Variants in FAT3 observed in about 807,000 individuals in gnomAD.
The protein encoded by FAT3 is FAT atypical cadherin 3, also known as protocadherin Fat 3.
A neutral mutation model predicts 310.2 loss-of-function variants in FAT3; 95 were observed. The ratio of observed to expected loss-of-function variants is 0.31; its 90% CI spans 0.26 to 0.36. The LOEUF (loss-of-function observed/expected upper bound fraction) is 0.36. FAT3 is among the 10% of genes least tolerant of loss of function. The pLI, the probability that FAT3 is intolerant of heterozygous loss-of-function variation, is 1.00. For missense variants in FAT3, 5,408 were observed against 5,715.6 expected (o/e 0.95, Z 1.74); for synonymous variants, 2,314 against 2,192.9 (o/e 1.06, Z -1.54).
At chr11:92,340,882 A>AG (rs1391167759) in intron 1 of FAT3, among the ~76,000 whole-genome samples, 1 of 152,018 alleles carries the variant, frequency 6.6e-6, no homozygotes, top group Non-Finnish European at 1.5e-5. Flanking sequence ...TTGCCTTCTT[A>AG]GCTAAGACGC....
chr11:92,531,523 C>T (rs1954071526), intron 3 of FAT3, among the ~76,000 whole-genome samples: 1 of 151,968 alleles, frequency 6.6e-6, no homozygotes. Context: ...CTGGCTGGGA[C>T]CTTATCCTGG....
intron 1 of FAT3, among the ~76,000 whole-genome samples, chr11:92,308,687 T>C (rs1187154): frequency 0.36 from 54,060 of 151,938 alleles, 13,203 homozygotes; most frequent in African/African-American, 0.7. Context: ...TCATCAAATA[T>C]CTGAGGATAC....
intron 6 of FAT3, among the ~76,000 whole-genome samples, chr11:92,768,287 T>G (rs1946370737): frequency 3.9e-5 from 6 of 152,184 alleles, no homozygotes; most frequent in Admixed American, 3.3e-4. Context: ...TTTTCCAAAT[T>G]GAACTTACTG....
Position 92,352,207 on chromosome 11 carries a change from G to C in FAT3, c.95G>C (p.Gly32Ala). The change falls in exon 2 of 28, where the codon GGG (glycine) becomes GCG (alanine). Residue 32 changes from glycine to alanine, a missense_variant. Around this residue, in one of 5 missense-constraint regions of FAT3, gnomAD observed 152 missense variants for 188.3 expected, o/e 0.81. Transcript: ENST00000525166. ...LFKLLATVSQGLPGTGPLGFH... is the reference protein window; with the variant it reads ...LFKLLATVSQALPGTGPLGFH... ...AAGCTTTTGGCCACTGTCTCCCAGG[G>C]GCTGCCAGGGACTGGACCCCTGGGC... The C allele has an allele frequency of 1.5e-6, 2 of 1,378,752 alleles. No individual in the cohort carries two copies. The highest frequency in any genetic ancestry group is 1.9e-6 in the Non-Finnish European group (2 of 1,029,838). 85.4% of individuals were successfully genotyped at this position (1,378,752 alleles called of 1,614,324 possible). A position where few individuals can be genotyped will look rare whatever the true frequency, so the allele number is the denominator to read the frequency against.
At chr11:92,572,251 T>C (rs1938207072) in intron 3 of FAT3, among the ~76,000 whole-genome samples, 1 of 152,196 alleles carries the variant, frequency 6.6e-6, no homozygotes, top group Non-Finnish European at 1.5e-5. Flanking sequence ...AGATATGTAC[T>C]ATTTACTTAG....
At chr11:92,567,459 A>G (rs977668427) in intron 3 of FAT3, among the ~76,000 whole-genome samples, 1 of 149,534 alleles carries the variant, frequency 6.7e-6, no homozygotes, top group Non-Finnish European at 1.5e-5. Flanking sequence ...TAGTTCAACC[A>G]TTGTGGAAGT....
chr11:92,830,296 C>T (rs897119035), intron 13 of FAT3, among the ~76,000 whole-genome samples: 4 of 152,114 alleles, frequency 2.6e-5, no homozygotes, highest in African/African-American at 4.8e-5. Context: ...TCAATCCAAC[C>T]GTTATTCAAT....
At chr11:92,627,850 G>A (rs1226371322) in intron 3 of FAT3, among the ~76,000 whole-genome samples, 1 of 152,180 alleles carries the variant, frequency 6.6e-6, no homozygotes, top group East Asian at 1.9e-4. Context: ...TAATCATGAA[G>A]GGATTACAGG....
intron 1 of FAT3, chr11:92,335,987 A>T (rs1344055174): frequency 4.5e-6 from 2 of 445,598 alleles, no homozygotes; most frequent in African/African-American, 4.0e-5. Flanking sequence ...ATGGCAGGCA[A>T]GGGGTGGGGA....
intron 1 of FAT3, among the ~76,000 whole-genome samples, chr11:92,244,054 A>C (rs1864785394): frequency 1.3e-5 from 2 of 151,914 alleles, no homozygotes; most frequent in African/African-American, 4.8e-5. Context: ...TCTTTCCTCA[A>C]CTCCAGAGTC....
chr11:92,517,653 C>T (rs973849956), intron 2 of FAT3, among the ~76,000 whole-genome samples: 3 of 152,118 alleles, frequency 2.0e-5, no homozygotes, highest in African/African-American at 7.2e-5. Flanking sequence ...AGCTTCTGCA[C>T]AGCAAAAGAA....
intron 24 of FAT3, among the ~76,000 whole-genome samples, chr11:92,884,925 T>C (rs904638657): frequency 6.6e-6 from 1 of 152,098 alleles, no homozygotes; most frequent in East Asian, 1.9e-4. Context: ...GATGACTACA[T>C]GTGGGCTTTG....
intron 3 of FAT3, among the ~76,000 whole-genome samples, chr11:92,608,202 A>G (rs2135611753): frequency 6.6e-6 from 1 of 152,316 alleles, no homozygotes; most frequent in South Asian, 2.1e-4. Context: ...ACAAGTATCA[A>G]TTCTCTAACC....
At chr11:92,539,967 A>T (rs1274166750) in intron 3 of FAT3, among the ~76,000 whole-genome samples, 2 of 152,136 alleles carry the variant, frequency 1.3e-5, no homozygotes, top group Non-Finnish European at 2.9e-5. Flanking sequence ...CACTGTCTGG[A>T]AATTCTTCAC....
chr11:92,463,836 C>T (rs983404447), intron 2 of FAT3, among the ~76,000 whole-genome samples: 13 of 152,148 alleles, frequency 8.5e-5, no homozygotes, highest in Admixed American at 7.2e-4. Flanking sequence ...TGCAGTTCTC[C>T]GACCCCTTTC....
At chr11:92,412,908 T>G (rs1218400759) in intron 2 of FAT3, among the ~76,000 whole-genome samples, 1 of 151,376 alleles carries the variant, frequency 6.6e-6, no homozygotes, top group Non-Finnish European at 1.5e-5. Flanking sequence ...CAGAGTGGTA[T>G]GGTTATTAGA....
chr11:92,792,084 T>A (rs191083491), intron 8 of FAT3, among the ~76,000 whole-genome samples: 1 of 152,328 alleles, frequency 6.6e-6, no homozygotes, highest in Non-Finnish European at 1.5e-5. Context: ...CACCACCATT[T>A]TACCACTCCT....
intron 3 of FAT3, among the ~76,000 whole-genome samples, chr11:92,657,547 A>G (rs1942627643): frequency 1.3e-5 from 2 of 152,340 alleles, no homozygotes; most frequent in South Asian, 4.1e-4. Flanking sequence ...AGACATCTTT[A>G]CTTTTACAAA....
rs1865273417 is a variant in FAT3, at chr11:92,255,315, TA to T, written c.-18+30143del. Among the ~76,000 whole-genome samples, 2 of 149,950 alleles carry T rather than the reference TA, an allele frequency of 1.3e-5. 1 individual carries two copies. Among genetic ancestry groups the T allele is most frequent in the South Asian group, 4.2e-4 (2 of 4,712 alleles). On this transcript the variant is annotated intron_variant, in intron 1 of 27. Transcript: ENST00000525166. ...TTTAAAAATGTTTTAATTAATTAGA[TA>T]ATTTTTTATTTTAGGGTTTTTTTTT...
Sources: allele counts gnomAD v4.1 joint callset (sites outside exome capture counted in the v4.1 genomes callset), GRCh38; gene constraint gnomAD v4.1.1; regional missense constraint gnomAD v4.1.1; transcripts MANE v1.5; gene names NCBI Gene and HGNC (gene_info 2026-07-23, HGNC 2026-07-21).